Variants in CFAP47 observed in about 807,000 individuals in gnomAD.
CFAP47 encodes the protein cilia and flagella associated protein 47.
CFAP47 carries 29 observed loss-of-function variants against 148.1 expected under a neutral mutation model. The observed-to-expected ratio is 0.20, with a 90% CI of 0.15 to 0.27. The LOEUF is 0.27. CFAP47 is among the 10% of genes least tolerant of loss of function. The pLI is 1.00. For synonymous variants in CFAP47, 664 were observed against 577.3 expected, an observed-to-expected ratio of 1.15 and a Z score of -2.15; for missense variants, 1,872 against 1,697.5, an observed-to-expected ratio of 1.10 and a Z score of -1.81.
chrX:36,090,565 C>T (rs1003438245), intron 30 of CFAP47, among the ~76,000 whole-genome samples: 2 of 111,501 alleles, frequency 1.8e-5, no homozygotes, highest in Admixed American at 9.6e-5. Context: ...ATTAAAGCCA[C>T]GCCATTCAGA....
chrX:36,040,892 G>A (rs1329606530), intron 25 of CFAP47, among the ~76,000 whole-genome samples: 1 of 111,472 alleles, frequency 9.0e-6, no homozygotes, highest in African/African-American at 3.3e-5. Flanking sequence ...AAAGAATTAG[G>A]CCGGCATCAT....
rs748871201 is a variant in CFAP47, at chrX:35,956,157, T to C, written c.1371T>C (p.Ile457=). The change falls in exon 8 of 64, where the codon ATT becomes ATC. Residue 457 remains isoleucine (I), a synonymous_variant. Coordinates refer to ENST00000378653, the MANE Select transcript of CFAP47 (RefSeq NM_001304548.2). ...TTAAAAAAACTGCAAATTTTGAAAT[T>C]GATCCTGAAAAGGGCAAGATTACTG... is the stretch of plus-strand genomic sequence containing the variant. ...YHFKKTANFE[I]DPEKGKITGG... is the part of the protein sequence containing the mutation. 25 of 1,209,423 alleles carry C rather than the reference T, an allele frequency of 2.1e-5. No individual in the cohort carries two copies. The highest frequency in any genetic ancestry group is 1.1e-4 in the Admixed American group (5 of 45,732).
At chrX:35,977,278 T>C (rs1290762682) in intron 15 of CFAP47, among the ~76,000 whole-genome samples, 1 of 112,046 alleles carries the variant, frequency 8.9e-6, no homozygotes, top group Non-Finnish European at 1.9e-5. Flanking sequence ...CAAAGTACTC[T>C]GTGAATACAA....
intron 15 of CFAP47, among the ~76,000 whole-genome samples, chrX:35,984,664 T>A (rs1054689597): frequency 4.5e-5 from 5 of 111,936 alleles, no homozygotes; most frequent in African/African-American, 1.6e-4. Flanking sequence ...TTTTTCTCAT[T>A]AGTTATAAAG....
chrX:36,371,222 T>C (rs782722778), intron 62 of CFAP47, among the ~76,000 whole-genome samples: 1 of 111,219 alleles, frequency 9.0e-6, no homozygotes, highest in East Asian at 2.8e-4. Flanking sequence ...TTAAAAATTG[T>C]TTTTATATAA....
chrX:36,376,620 G>A lies in CFAP47; in HGVS notation c.9186-2730G>A, dbSNP rs781981027. ...TTTCCTACTGGCTTCAATATAGTTC[G>A]TTTTATTATTATTATTGTTATACTT... On this transcript the variant is annotated intron_variant, in intron 62 of 63. Transcript: ENST00000378653. Among the ~76,000 whole-genome samples, 74 of 111,815 alleles carry A rather than the reference G, an allele frequency of 6.6e-4. 1 individual carries two copies. The highest frequency in any genetic ancestry group is 2.1e-3 in the African/African-American group (65 of 30,754).
At chrX:35,996,389 A>G (rs11095419) in intron 18 of CFAP47, among the ~76,000 whole-genome samples, 8,273 of 111,282 alleles carry the variant, frequency 0.074, 424 homozygotes, top group East Asian at 0.3. Flanking sequence ...TGGCATATTG[A>G]TTTTCCCAGT....
intron 57 of CFAP47, among the ~76,000 whole-genome samples, chrX:36,329,989 A>G (rs1420265423): frequency 8.9e-6 from 1 of 112,446 alleles, no homozygotes; most frequent in Non-Finnish European, 1.9e-5. Context: ...AAAATGTGTA[A>G]TAATTATATT....
chrX:36,314,458 T>C (rs1941417490), intron 56 of CFAP47, among the ~76,000 whole-genome samples: 1 of 111,359 alleles, frequency 9.0e-6, no homozygotes. Flanking sequence ...AAACAGCCGA[T>C]TGGTTACAGC....
chrX:36,328,844 A>T (rs868957319), intron 57 of CFAP47, among the ~76,000 whole-genome samples: 1 of 109,281 alleles, frequency 9.2e-6, no homozygotes, highest in Non-Finnish European at 1.9e-5. Flanking sequence ...AAGAAAAGCA[A>T]AATTGGAAGA....
At position 36,313,318 on chromosome X, in the gene CFAP47, C is replaced by T. The variant is rs188245291; in HGVS notation, c.8344+2329C>T. ...ACAATCATGGTGGAAAAAAAACAGG[C>T]ATGTGTTACATGACGGCAGGGAAGA... On this transcript the variant is annotated intron_variant, in intron 56 of 63. Coordinates refer to ENST00000378653, the MANE Select transcript of CFAP47 (RefSeq NM_001304548.2). Among the ~76,000 whole-genome samples the T allele has an allele frequency of 6.3e-5, 7 of 110,466 alleles. No homozygotes were observed. The East Asian group carries it at 1.7e-3, about 27-fold the overall frequency.
At chrX:35,999,071 A>G (rs1281514121) in intron 19 of CFAP47, among the ~76,000 whole-genome samples, 2 of 111,906 alleles carry the variant, frequency 1.8e-5, no homozygotes, top group Admixed American at 1.9e-4. Flanking sequence ...GTGTCTTAAT[A>G]ACAATTAGGA....
At chrX:35,958,137 A>G (rs779070897) in intron 8 of CFAP47, among the ~76,000 whole-genome samples, 1 of 111,802 alleles carries the variant, frequency 8.9e-6, no homozygotes, top group African/African-American at 3.2e-5. Flanking sequence ...ATATTTATAT[A>G]AGGCATTTTG....
intron 57 of CFAP47, among the ~76,000 whole-genome samples, chrX:36,329,665 T>C (rs1278749771): frequency 8.9e-6 from 1 of 112,138 alleles, no homozygotes; most frequent in Non-Finnish European, 1.9e-5. Flanking sequence ...ATCATTTTTG[T>C]TTTGTTTTGT....
chrX:36,136,017 G>T (rs1939038421), intron 33 of CFAP47, among the ~76,000 whole-genome samples: 2 of 111,148 alleles, frequency 1.8e-5, no homozygotes, highest in Admixed American at 1.9e-4. Context: ...TCTGACAGGG[G>T]TATGGCTTTG....
chrX:35,971,760 T>C lies in CFAP47; in HGVS notation c.2145T>C (p.Ser715=). 3.3e-6 allele frequency: 4 copies of C among 1,207,983 alleles called. No individual in the cohort carries two copies. Among genetic ancestry groups the C allele is most frequent in the Non-Finnish European group, 4.5e-6 (4 of 893,308 alleles). The change falls in exon 12 of 64, where the codon TCT becomes TCC. Residue 715 remains serine, a synonymous_variant. Transcript: ENST00000378653. ...GTATAGCATCTCAGGAGGAAGAGTCTGTGAGAAGAAAGGCACGTGCAATGT... is the reference window on the plus strand; with the variant it reads ...GTATAGCATCTCAGGAGGAAGAGTCCGTGAGAAGAAAGGCACGTGCAATGT... ...TRGIASQEEE[S]VRRKVLKGLK...
Position 36,379,485 on chromosome X carries a change from C to T in CFAP47, c.9321C>T (p.Tyr3107=), listed in dbSNP as rs782674876. 61 of 1,162,555 alleles carry T rather than the reference C, an allele frequency of 5.2e-5. No individual in the cohort carries two copies. The South Asian group carries it at 1.1e-3, about 22-fold the overall frequency. Residue 3107 remains tyrosine (Y), a synonymous_variant, in exon 63 of 64, where the codon TAC becomes TAT. Coordinates refer to ENST00000378653, the MANE Select transcript of CFAP47 (RefSeq NM_001304548.2). ...CTGTAGGATTTAAACCTAAAATGTA[C>T]TGTAGGAAATATAAAGCAACATTAG... ...LITVGFKPKM[Y]CRKYKATLVI... is the part of the protein sequence containing the mutation.
intron 39 of CFAP47, among the ~76,000 whole-genome samples, chrX:36,175,368 A>T (rs1262028826): frequency 1.8e-5 from 2 of 111,433 alleles, no homozygotes; most frequent in African/African-American, 6.5e-5. Flanking sequence ...GGAGGAGGAG[A>T]GGCGCTCTGC....
In CFAP47 at chrX:36,145,231, T is replaced by C. The variant is rs1939217005; in HGVS notation, c.5548T>C (p.Cys1850Arg). ...TCTTTGAAACTAGGCCACAGACATC[T>C]GTGACCCAAATCCAATCCTGATGCT... ...FDVEIQATDI[C>R]DPNPILMLML... Residue 1850 changes from cysteine (C) to arginine (R), a missense_variant, in exon 36 of 64, where the codon TGT becomes CGT. By Grantham distance (180) the Cys-to-Arg change is radical. Transcript: ENST00000378653. 6.6e-6 allele frequency: 2 copies of C among 301,180 alleles called. No individual in the cohort carries two copies. The highest frequency in any genetic ancestry group is 1.2e-5 in the Non-Finnish European group (2 of 173,414). 24.8% of individuals were successfully genotyped at this position (301,180 alleles called of 1,213,427 possible). A position where few individuals can be genotyped will look rare whatever the true frequency, so the allele number is the denominator to read the frequency against.
Sources: gnomAD v4.1 joint callset for allele counts (sites outside exome capture counted in the v4.1 genomes callset) on GRCh38, gnomAD v4.1.1 for gene constraint, MANE v1.5 for transcripts, NCBI Gene and HGNC (gene_info 2026-07-23, HGNC 2026-07-21) for gene names.